Variants in PDLIM5 observed in about 807,000 individuals in gnomAD.
PDLIM5 encodes PDZ and LIM domain protein 5.
PDLIM5 carries 34 observed loss-of-function variants against 64.2 expected under a neutral mutation model. The ratio of observed to expected loss-of-function variants is 0.53; its 90% confidence interval spans 0.40 to 0.71. The LOEUF is 0.71. Ranked by LOEUF, PDLIM5 falls within the 30% of genes least tolerant of loss-of-function variation. The pLI, the probability that PDLIM5 is intolerant of heterozygous loss-of-function variation, is 0.00. For synonymous variants in PDLIM5, 253 were observed against 269.1 expected (o/e 0.94, Z 0.59); for missense variants, 683 against 733.6 (o/e 0.93, Z 0.80).
Position 94,495,846 on chromosome 4 carries a change from ACAGT to A in PDLIM5, c.97-27873_97-27870del, listed in dbSNP as rs1727343728. Reference sequence around the variant, plus strand: ...TGGAGCTGTGTGAGCTTGAAAGATGACAGTCAGTTTGAAAGATGACCATGGACCA... The same window carrying A: ...TGGAGCTGTGTGAGCTTGAAAGATGACAGTTTGAAAGATGACCATGGACCA... On this transcript the variant is annotated intron_variant, in intron 2 of 12. Coordinates refer to ENST00000317968, the MANE Select transcript of PDLIM5 (RefSeq NM_006457.5). 1.3e-5 allele frequency among the ~76,000 whole-genome samples: 2 copies of A among 152,224 alleles called. 1 individual carries two copies. Among genetic ancestry groups the A allele is most frequent in the South Asian group, 4.1e-4 (2 of 4,832 alleles).
intron 7 of PDLIM5, chr4:94,610,974 G>A (rs767443624): frequency 3.8e-4 from 334 of 879,194 alleles, no homozygotes; most frequent in Non-Finnish European, 4.9e-4. Context: ...CCTCTCTCTC[G>A]TAAAGGAAAT....
At chr4:94,523,115 T>C (rs192404310) in intron 2 of PDLIM5, among the ~76,000 whole-genome samples, 1 of 152,244 alleles carries the variant, frequency 6.6e-6, no homozygotes, top group East Asian at 1.9e-4. Context: ...CACAAAAAAG[T>C]TGGGTTGTCT....
At chr4:94,606,489 G>C (rs1468605519) in intron 7 of PDLIM5, among the ~76,000 whole-genome samples, 8 of 152,136 alleles carry the variant, frequency 5.3e-5, no homozygotes, top group African/African-American at 1.4e-4. Context: ...GAGGCCAGGA[G>C]GGGGATAGAA....
At chr4:94,457,634 A>G (rs1481245897) in intron 2 of PDLIM5, among the ~76,000 whole-genome samples, 1 of 152,232 alleles carries the variant, frequency 6.6e-6, no homozygotes, top group Non-Finnish European at 1.5e-5. Context: ...GTGTGGTAAT[A>G]GAAATGCAAA....
intron 3 of PDLIM5, among the ~76,000 whole-genome samples, chr4:94,568,421 G>A (rs962007635): frequency 1.3e-5 from 2 of 152,004 alleles, no homozygotes; most frequent in Admixed American, 6.6e-5. Flanking sequence ...TATTGAAATG[G>A]TATTTTCACT....
intron 8 of PDLIM5, among the ~76,000 whole-genome samples, chr4:94,636,539 CTT>C (rs770256162): frequency 1.0e-4 from 14 of 133,838 alleles, no homozygotes; most frequent in East Asian, 4.3e-4. Flanking sequence ...AGAGTTCGTA[CTT>C]TTTTTTTTTT....
chr4:94,610,244 G>A, intron 7 of PDLIM5: 1 of 1,519,756 alleles, frequency 6.6e-7, no homozygotes, highest in Non-Finnish European at 8.8e-7. Flanking sequence ...GCTAGATATA[G>A]TGCTGCAGTT....
chr4:94,518,739 T>A (rs1474043618), intron 2 of PDLIM5, among the ~76,000 whole-genome samples: 1 of 152,226 alleles, frequency 6.6e-6, no homozygotes, highest in South Asian at 2.1e-4. Flanking sequence ...TGTTTAGATA[T>A]TATTTTGTGC....
chr4:94,508,582 A>G (rs1307726757), intron 2 of PDLIM5, among the ~76,000 whole-genome samples: 1 of 152,226 alleles, frequency 6.6e-6, no homozygotes, highest in African/African-American at 2.4e-5. Context: ...CATACTTAGT[A>G]GAAAATGCAC....
At chr4:94,659,486 A>ATG (rs1400183342) in intron 11 of PDLIM5, among the ~76,000 whole-genome samples, 67 of 113,404 alleles carry the variant, frequency 5.9e-4, no homozygotes, top group African/African-American at 2.3e-3. Flanking sequence ...TGTAGTATAT[A>ATG]TGTGTGTATG....
At chr4:94,599,741 A>G (rs1055068920) in intron 7 of PDLIM5, among the ~76,000 whole-genome samples, 1 of 152,150 alleles carries the variant, frequency 6.6e-6, no homozygotes, top group African/African-American at 2.4e-5. Flanking sequence ...TGGGTGAGGT[A>G]GAGACAAACA....
At position 94,625,054 on chromosome 4, in the gene PDLIM5, G is replaced by A. The variant is rs1739557194; in HGVS notation, c.1108+6863G>A. The stretch of plus-strand genomic sequence containing the variant: ...ATAATGAATATTGCCCTGGGCAGTG[G>A]CAGTGTTTTGGAGAGAATTCCCTGG... On this transcript the variant is annotated intron_variant, in intron 8 of 12. Coordinates refer to ENST00000317968, the MANE Select transcript of PDLIM5 (RefSeq NM_006457.5). Among the ~76,000 whole-genome samples, 2 of 152,194 alleles carry A rather than the reference G, an allele frequency of 1.3e-5. 1 individual carries two copies. Among genetic ancestry groups the A allele is most frequent in the Admixed American group, 1.3e-4 (2 of 15,280 alleles).
chr4:94,520,814 C>T lies in PDLIM5; in HGVS notation c.97-2910C>T, dbSNP rs371842175. On this transcript the variant is annotated intron_variant, in intron 2 of 12. Transcript: ENST00000317968. ...TCCAAAAAGACATCAGTGTGGAAAA[C>T]TCAAGATGATTAATATTACCAGGCT... Among the ~76,000 whole-genome samples the T allele has an allele frequency of 2.6e-5, 4 of 152,188 alleles. No homozygotes were observed. The South Asian group carries it at 6.2e-4, about 24-fold the overall frequency.
chr4:94,632,741 G>T (rs114007579), intron 8 of PDLIM5, among the ~76,000 whole-genome samples: 1 of 152,164 alleles, frequency 6.6e-6, no homozygotes, highest in African/African-American at 2.4e-5. Context: ...GCAGGGAGGC[G>T]GAAGAGAGGA....
At chr4:94,537,487 T>A (rs1186824795) in intron 3 of PDLIM5, among the ~76,000 whole-genome samples, 1 of 152,170 alleles carries the variant, frequency 6.6e-6, no homozygotes, top group Non-Finnish European at 1.5e-5. Context: ...TTTAAATAAA[T>A]AAATTATAAC....
chr4:94,553,276 T>C (rs1458984182), intron 3 of PDLIM5, among the ~76,000 whole-genome samples: 1 of 151,892 alleles, frequency 6.6e-6, no homozygotes, highest in East Asian at 1.9e-4. Flanking sequence ...GCCCGGCTGA[T>C]TTTTGCATTT....
At chr4:94,601,293 G>A (rs1737469819) in intron 7 of PDLIM5, among the ~76,000 whole-genome samples, 1 of 152,072 alleles carries the variant, frequency 6.6e-6, no homozygotes, top group Non-Finnish European at 1.5e-5. Flanking sequence ...AGCTCTCTGA[G>A]GTATCTCTTA....
chr4:94,567,741 T>G (rs894250380), intron 3 of PDLIM5, among the ~76,000 whole-genome samples: 1 of 152,340 alleles, frequency 6.6e-6, no homozygotes, highest in Non-Finnish European at 1.5e-5. Context: ...TTTAGCACTC[T>G]TTATCATTTA....
At chr4:94,631,611 T>G (rs1037374011) in intron 8 of PDLIM5, among the ~76,000 whole-genome samples, 4 of 152,202 alleles carry the variant, frequency 2.6e-5, no homozygotes, top group African/African-American at 9.7e-5. Flanking sequence ...GAGCTCTGAC[T>G]TCATATTTTA....
Sources: gnomAD v4.1 joint callset for allele counts (sites outside exome capture counted in the v4.1 genomes callset) on GRCh38, gnomAD v4.1.1 for gene constraint, MANE v1.5 for transcripts, NCBI Gene and HGNC (gene_info 2026-07-23, HGNC 2026-07-21) for gene names.